BANK1: variants seen among roughly 807,000 people sequenced by gnomAD.
BANK1 encodes B-cell scaffold protein with ankyrin repeats.
A neutral mutation model predicts 94.5 loss-of-function variants in BANK1; 95 were observed. The observed-to-expected ratio is 1.00, with a 90% CI of 0.85 to 1.19. The LOEUF (loss-of-function observed/expected upper bound fraction) is 1.19. Among genes scored for constraint, BANK1 ranks in the 50% most tolerant of loss-of-function variants. The pLI is 0.00. For missense variants in BANK1, 987 were observed against 932.2 expected (o/e 1.06, Z -0.77); for synonymous variants, 334 against 308.4 (o/e 1.08, Z -0.87).
chr4:101,882,058 G>T (rs549106266), intron 5 of BANK1, among the ~76,000 whole-genome samples: 1 of 151,986 alleles, frequency 6.6e-6, no homozygotes, highest in Non-Finnish European at 1.5e-5. Flanking sequence ...ACATTTTAGA[G>T]TAACTAAAAA....
chr4:102,017,893 T>C (rs1298790817), intron 7 of BANK1, among the ~76,000 whole-genome samples: 1 of 152,226 alleles, frequency 6.6e-6, no homozygotes, highest in Non-Finnish European at 1.5e-5. Flanking sequence ...CAGCTTTATT[T>C]CTATTTTATT....
intron 7 of BANK1, among the ~76,000 whole-genome samples, chr4:101,939,049 G>T (rs562565648): frequency 6.6e-6 from 1 of 151,732 alleles, no homozygotes; most frequent in South Asian, 2.1e-4. Flanking sequence ...TTAATCTATT[G>T]CCAAAATCCC....
chr4:101,790,926 GC>G lies in BANK1; in HGVS notation c.51del (p.Cys18AlafsTer12). ...PGKGLGSPDP[A>X]PCGPAPPGNT... ...CAAGGGGCTTGGGAGCCCGGACCCC[GC>G]CCCCTGCGGCCCAGCGCCCCCAGGT... On this transcript the variant is annotated frameshift_variant, in exon 1 of 17. Transcript: ENST00000322953. LOFTEE classifies it high-confidence loss of function. The G allele has an allele frequency of 6.5e-7, 1 of 1,529,076 alleles. No homozygotes were observed. Among genetic ancestry groups the G allele is most frequent in the Non-Finnish European group, 8.7e-7 (1 of 1,143,634 alleles). 94.7% of individuals were successfully genotyped at this position (1,529,076 alleles called of 1,614,324 possible).
chr4:101,894,156 G>A (rs1721977930), intron 5 of BANK1, among the ~76,000 whole-genome samples: 1 of 151,822 alleles, frequency 6.6e-6, no homozygotes, highest in South Asian at 2.1e-4. Context: ...ATGGTATCTG[G>A]GACTCTTCAT....
chr4:101,928,570 G>T (rs1261393692), intron 7 of BANK1, among the ~76,000 whole-genome samples: 4 of 151,670 alleles, frequency 2.6e-5, no homozygotes, highest in Non-Finnish European at 5.9e-5. Flanking sequence ...TCTCAGTACT[G>T]CCGAGTTCAC....
At chr4:101,878,865 A>C (rs1728580632) in intron 5 of BANK1, among the ~76,000 whole-genome samples, 1 of 152,118 alleles carries the variant, frequency 6.6e-6, no homozygotes, top group Non-Finnish European at 1.5e-5. Context: ...TGGATCAATA[A>C]GGACATTAAG....
intron 2 of BANK1, among the ~76,000 whole-genome samples, chr4:101,834,499 G>A (rs1176781682): frequency 1.3e-5 from 2 of 152,158 alleles, no homozygotes; most frequent in African/African-American, 2.4e-5. Flanking sequence ...TTATATGTGG[G>A]TTGTGTCCTT....
chr4:101,998,094 C>T (rs949944852), intron 7 of BANK1, among the ~76,000 whole-genome samples: 7 of 152,142 alleles, frequency 4.6e-5, no homozygotes, highest in Admixed American at 3.3e-4. Context: ...TTACTTGTTT[C>T]CCAGACATTT....
In BANK1 at chr4:101,854,892, T is replaced by C. The variant is rs149929043; in HGVS notation, c.470-143T>C. 2.2e-3 allele frequency: 1,269 copies of C among 570,188 alleles called. 20 individuals are homozygous for C. Among genetic ancestry groups the C allele is most frequent in the African/African-American group, 0.021 (1,143 of 53,832 alleles). 35.3% of individuals were successfully genotyped at this position (570,188 alleles called of 1,614,324 possible). On this transcript the variant is annotated intron_variant, in intron 2 of 16. Transcript: ENST00000322953. ...GAAGTATTATTTTAATTATTAACAT[T>C]GGTTCAATTATTTCAGCTATCTTAA... is the stretch of plus-strand genomic sequence containing the variant.
At chr4:101,850,189 A>G (rs1010437061) in intron 2 of BANK1, among the ~76,000 whole-genome samples, 2 of 152,164 alleles carry the variant, frequency 1.3e-5, no homozygotes, top group Non-Finnish European at 2.9e-5. Context: ...TATTTTTATT[A>G]TTGCACTTAA....
chr4:102,064,979 A>T (rs1728543734), intron 13 of BANK1, among the ~76,000 whole-genome samples: 1 of 152,196 alleles, frequency 6.6e-6, no homozygotes, highest in Admixed American at 6.5e-5. Context: ...CATGGGAAGG[A>T]TTCCACAAGT....
At chr4:101,993,772 A>G (rs1725786099) in intron 7 of BANK1, among the ~76,000 whole-genome samples, 1 of 152,234 alleles carries the variant, frequency 6.6e-6, no homozygotes, top group Non-Finnish European at 1.5e-5. Flanking sequence ...AAAAGCTGGC[A>G]CAACACAGTA....
chr4:101,810,183 A>G (rs1287019222), intron 1 of BANK1, among the ~76,000 whole-genome samples: 1 of 152,196 alleles, frequency 6.6e-6, no homozygotes, highest in African/African-American at 2.4e-5. Context: ...ATGCAAGTAA[A>G]TATATTGATT....
rs190433440 is a variant in BANK1, at chr4:101,895,792, C to T, written c.1009+382C>T. ...ATACATATTTTCATACATCTATTAACGTGACCACCAGAAATTAATATTATT... is the reference window on the plus strand; with the variant it reads ...ATACATATTTTCATACATCTATTAATGTGACCACCAGAAATTAATATTATT... On this transcript the variant is annotated intron_variant, in intron 6 of 16. Transcript: ENST00000322953. Among the ~76,000 whole-genome samples, 17 of 151,786 alleles carry T rather than the reference C, an allele frequency of 1.1e-4. No homozygotes were observed. The East Asian group carries it at 2.7e-3, about 24-fold the overall frequency.
intron 6 of BANK1, among the ~76,000 whole-genome samples, chr4:101,915,806 C>T (rs1722808365): frequency 6.6e-6 from 1 of 152,002 alleles, no homozygotes; most frequent in African/African-American, 2.4e-5. Flanking sequence ...GCATGATAAC[C>T]TTGGCAGCAT....
intron 5 of BANK1, among the ~76,000 whole-genome samples, chr4:101,876,753 A>G (rs1728504546): frequency 6.6e-6 from 1 of 152,206 alleles, no homozygotes; most frequent in Non-Finnish European, 1.5e-5. Flanking sequence ...TGACCTTTCA[A>G]AGAACTCAAA....
intron 7 of BANK1, among the ~76,000 whole-genome samples, chr4:101,997,956 T>C (rs1339577248): frequency 2.0e-5 from 3 of 152,212 alleles, no homozygotes; most frequent in Non-Finnish European, 4.4e-5. Flanking sequence ...TGTCTTCTGC[T>C]AGCTTTTGAA....
At chr4:101,974,852 G>A (rs1000093472) in intron 7 of BANK1, among the ~76,000 whole-genome samples, 2 of 151,990 alleles carry the variant, frequency 1.3e-5, no homozygotes, top group African/African-American at 2.4e-5. Context: ...AGCTACTCGG[G>A]AGGCTGAGGC....
chr4:101,928,644 C>A (rs1246726636), intron 7 of BANK1, among the ~76,000 whole-genome samples: 1 of 151,680 alleles, frequency 6.6e-6, no homozygotes, highest in African/African-American at 2.4e-5. Context: ...TTAATGAGAA[C>A]TCTCTATTAT....
Sources: allele counts gnomAD v4.1 joint callset (sites outside exome capture counted in the v4.1 genomes callset), GRCh38; gene constraint gnomAD v4.1.1; transcripts MANE v1.5; gene names NCBI Gene and HGNC (gene_info 2026-07-23, HGNC 2026-07-21).